SAXO1: variants seen among roughly 807,000 people sequenced by gnomAD.
SAXO1 encodes stabilizer of axonemal microtubules 1.
In SAXO1, 21 loss-of-function variants were observed where a neutral mutation model predicts 17.5. The observed-to-expected ratio is 1.20, with a 90% CI of 0.85 to 1.72. The LOEUF is 1.72. SAXO1 is among the 40% of genes most tolerant of loss of function. SAXO1 has a pLI of 0.00. For synonymous variants in SAXO1, 274 were observed against 216.5 expected (o/e 1.27, Z -2.33); for missense variants, 843 against 596.0 (o/e 1.41, Z -4.32).
intron 1 of SAXO1, among the ~76,000 whole-genome samples, chr9:18,997,923 T>A (rs1834079127): frequency 6.6e-6 from 1 of 151,922 alleles, no homozygotes; most frequent in African/African-American, 2.4e-5. Flanking sequence ...AGCATCAACA[T>A]CAACAAAAAG....
intron 1 of SAXO1, among the ~76,000 whole-genome samples, chr9:19,023,519 A>T (rs1042794622): frequency 2.6e-5 from 4 of 152,170 alleles, no homozygotes; most frequent in Non-Finnish European, 5.9e-5. Context: ...TGACACAGTT[A>T]GGGAGCAGAA....
At chr9:19,035,271 C>G (rs1049068602), upstream of SAXO1, among the ~76,000 whole-genome samples, 2 of 152,146 alleles carry the variant, frequency 1.3e-5, no homozygotes, top group African/African-American at 2.4e-5. Context: ...GGCGGTTTCC[C>G]CCATACTGCT....
At position 19,032,970 on chromosome 9, in the gene SAXO1, A is replaced by C; in HGVS notation, c.-62T>G. The C allele has an allele frequency of 1.9e-6, 3 of 1,544,172 alleles. No individual in the cohort carries two copies. The highest frequency in any genetic ancestry group is 2.6e-6 in the Non-Finnish European group (3 of 1,142,238). On this transcript the variant is annotated 5_prime_UTR_variant, in exon 1 of 4. Coordinates refer to ENST00000380534, the MANE Select transcript of SAXO1 (RefSeq NM_153707.4). ...ATCGCCAGCTGCAGCCGACTCCTAG[A>C]CCCCAACCACCTGTCTTGGGGCACG... is the stretch of plus-strand genomic sequence containing the variant.
intron 1 of SAXO1, chr9:19,028,144 G>C: frequency 6.4e-7 from 1 of 1,560,690 alleles, no homozygotes. Flanking sequence ...GGGCACGGCA[G>C]GCCAGCCCCG....
intron 1 of SAXO1, among the ~76,000 whole-genome samples, chr9:19,012,188 T>C (rs1236651780): frequency 6.6e-6 from 1 of 152,136 alleles, no homozygotes; most frequent in Non-Finnish European, 1.5e-5. Flanking sequence ...ATGAGGCATA[T>C]AGATGTTTGT....
At chr9:18,972,294 A>G (rs1832972174) in intron 1 of SAXO1, among the ~76,000 whole-genome samples, 1 of 152,244 alleles carries the variant, frequency 6.6e-6, no homozygotes, top group African/African-American at 2.4e-5. Flanking sequence ...AATCTTTGCA[A>G]AGTAGCCCTC....
chr9:19,003,887 G>C (rs746295264), intron 1 of SAXO1, among the ~76,000 whole-genome samples: 6 of 152,126 alleles, frequency 3.9e-5, no homozygotes, highest in Non-Finnish European at 4.4e-5. Flanking sequence ...AGCCAAAATA[G>C]ACAAATGGGA....
intron 1 of SAXO1, among the ~76,000 whole-genome samples, chr9:19,021,047 A>G (rs1416964199): frequency 6.6e-6 from 1 of 152,174 alleles, no homozygotes; most frequent in Admixed American, 6.5e-5. Context: ...CTACATCTTT[A>G]TTACCTAAAA....
At chr9:18,962,828 T>C (rs1832542725) in intron 1 of SAXO1, among the ~76,000 whole-genome samples, 1 of 152,224 alleles carries the variant, frequency 6.6e-6, no homozygotes, top group Non-Finnish European at 1.5e-5. Flanking sequence ...CAATTTTGGC[T>C]TTTGTCGCCA....
At chr9:19,001,154 A>G (rs1032774556) in intron 1 of SAXO1, among the ~76,000 whole-genome samples, 7 of 152,216 alleles carry the variant, frequency 4.6e-5, no homozygotes, top group Non-Finnish European at 7.3e-5. Context: ...TCAGCATTAC[A>G]TCACACTTAT....
chr9:18,952,071 TTTAC>T (rs1324906161), intron 1 of SAXO1, among the ~76,000 whole-genome samples: 1 of 152,236 alleles, frequency 6.6e-6, no homozygotes, highest in African/African-American at 2.4e-5. Flanking sequence ...AACTTACTTA[TTTAC>T]TTACTACTTA....
chr9:18,969,088 T>C (rs928056728), intron 1 of SAXO1, among the ~76,000 whole-genome samples: 10 of 151,982 alleles, frequency 6.6e-5, no homozygotes, highest in Non-Finnish European at 8.8e-5. Context: ...TAAGGAAATA[T>C]GTATACAAAT....
chr9:19,040,227 T>C (rs2131069348), intron 1 of SAXO1, among the ~76,000 whole-genome samples: 1 of 152,328 alleles, frequency 6.6e-6, no homozygotes, highest in East Asian at 1.9e-4. Context: ...TTCAAAAATT[T>C]TTGTTAAGAA....
intron 1 of SAXO1, among the ~76,000 whole-genome samples, chr9:19,045,976 G>T (rs1444482674): frequency 6.6e-6 from 1 of 151,460 alleles, no homozygotes; most frequent in Non-Finnish European, 1.5e-5. Flanking sequence ...AATCCCAGCT[G>T]CTGGAGAAGG....
At chr9:18,986,870 A>G (rs1187090383) in intron 1 of SAXO1, among the ~76,000 whole-genome samples, 1 of 152,208 alleles carries the variant, frequency 6.6e-6, no homozygotes, top group Non-Finnish European at 1.5e-5. Flanking sequence ...CATTGTTTTA[A>G]TAAAATCAGC....
chr9:19,008,173 C>T (rs956700607), intron 1 of SAXO1, among the ~76,000 whole-genome samples: 4 of 152,054 alleles, frequency 2.6e-5, no homozygotes, highest in African/African-American at 4.8e-5. Context: ...GGGGGTTTCA[C>T]CATGTTGCCC....
At chr9:19,038,851 T>C (rs944624100) in intron 1 of SAXO1, among the ~76,000 whole-genome samples, 1 of 151,824 alleles carries the variant, frequency 6.6e-6, no homozygotes, top group South Asian at 2.1e-4. Flanking sequence ...AAAAAAAAAA[T>C]GGTAACTTGA....
At chr9:19,017,967 C>T (rs1017341472) in intron 1 of SAXO1, among the ~76,000 whole-genome samples, 8 of 152,084 alleles carry the variant, frequency 5.3e-5, no homozygotes, top group Non-Finnish European at 1.0e-4. Context: ...TAGGAGGTGA[C>T]GATGACCCTG....
At chr9:18,995,047 A>T (rs934795667) in intron 1 of SAXO1, among the ~76,000 whole-genome samples, 1 of 152,218 alleles carries the variant, frequency 6.6e-6, no homozygotes, top group Admixed American at 6.5e-5. Flanking sequence ...AAATGCACAA[A>T]ATAACTATAA....
Sources: allele counts gnomAD v4.1 joint callset (sites outside exome capture counted in the v4.1 genomes callset), GRCh38; gene constraint gnomAD v4.1.1; transcripts MANE v1.5; gene names NCBI Gene and HGNC (gene_info 2026-07-23, HGNC 2026-07-21).